OPRL1: variants seen among roughly 807,000 people sequenced by gnomAD.
OPRL1 encodes nociceptin receptor.
A neutral mutation model predicts 15.5 loss-of-function variants in OPRL1; 5 were observed. The observed-to-expected ratio is 0.32, with a 90% CI of 0.17 to 0.68. The LOEUF (loss-of-function observed/expected upper bound fraction) is 0.68. Among genes scored for constraint, OPRL1 ranks in the 30% least tolerant of loss-of-function variants. The pLI is 0.72. For synonymous variants in OPRL1, 223 were observed against 230.2 expected, an observed-to-expected ratio of 0.97 and a Z score of 0.28; for missense variants, 406 against 515.3, an observed-to-expected ratio of 0.79 and a Z score of 2.05.
chr20:64,081,334 G>A (rs1034981308), intron 1 of OPRL1, among the ~76,000 whole-genome samples: 5 of 152,232 alleles, frequency 3.3e-5, no homozygotes, highest in Non-Finnish European at 2.9e-5. Context: ...GCACAGGTGA[G>A]GTCAGGGAAG....
At chr20:64,092,184 T>G in intron 2 of OPRL1, 68 bp downstream of exon 2, 1 of 152,548 alleles carries the variant, frequency 6.6e-6, no homozygotes, top group Non-Finnish European at 1.4e-5. Flanking sequence ...GCAGGGCGGG[T>G]GGAGGGGGCA....
chr20:64,087,597 G>A (rs1236501243), intron 1 of OPRL1, among the ~76,000 whole-genome samples: 1 of 108,430 alleles, frequency 9.2e-6, no homozygotes, highest in Non-Finnish European at 1.9e-5. Context: ...GTCATCGTTC[G>A]TGTCTTGGGC....
chr20:64,080,921 G>A (rs901586355), intron 1 of OPRL1, among the ~76,000 whole-genome samples: 18 of 152,320 alleles, frequency 1.2e-4, no homozygotes, highest in African/African-American at 3.8e-4. Flanking sequence ...AAAGGCAGCT[G>A]GAGATTCTAC....
chr20:64,088,446 C>G (rs1009607994), intron 1 of OPRL1, among the ~76,000 whole-genome samples: 1 of 143,418 alleles, frequency 7.0e-6, no homozygotes, highest in Non-Finnish European at 1.5e-5. Context: ...TCAAGGGAGT[C>G]GGGGGACAGG....
chr20:64,088,930 AAGGGGTAGGATCTGTGC>A (rs2060092314), intron 1 of OPRL1, among the ~76,000 whole-genome samples: 1 of 99,954 alleles, frequency 1.0e-5, no homozygotes, highest in Admixed American at 9.1e-5. Context: ...GGATCTGTGC[AAGGGGTAGGATCTGTGC>A]AGAGTGGCCA....
At chr20:64,093,011 A>G in intron 3 of OPRL1, 58 bp downstream of exon 3, 14 of 1,479,496 alleles carry the variant, frequency 9.5e-6, no homozygotes, top group Non-Finnish European at 1.3e-5. Context: ...AGAGGGGGAA[A>G]CTGAGACGGG....
At chr20:64,092,636 C>T (rs906374635) in intron 2 of OPRL1, 52 bp from the exon 3 acceptor site, 14 of 1,439,994 alleles carry the variant, frequency 9.7e-6, no homozygotes, top group East Asian at 4.6e-5. Flanking sequence ...GTGAGGCCTC[C>T]GCTGGGCGTG....
In OPRL1 at chr20:64,097,790, T is replaced by A. The variant is rs201903712; in HGVS notation, c.234-12T>A. The A allele has an allele frequency of 1.9e-6, 3 of 1,606,934 alleles. No individual in the cohort carries two copies. The South Asian group carries it at 3.3e-5, about 18-fold the overall frequency. On this transcript the variant is annotated splice_polypyrimidine_tract_variant and intron_variant, in intron 3 of 4. Transcript: ENST00000336866. The surrounding 1 kb of genome is among the most constrained non-coding windows in gnomAD (Gnocchi z 4.2). ...GGCCAAGTGAAGCCTTTCTTCTCCC[T>A]CTACTCCGCAGGCACACCAAAATGA...
chr20:64,088,732 A>AGGATCCGTGC (rs1227621820), intron 1 of OPRL1, among the ~76,000 whole-genome samples: 1 of 12,580 alleles, frequency 7.9e-5, no homozygotes, highest in Non-Finnish European at 1.9e-4. Context: ...GGATCTGTGC[A>AGGATCCGTGC]AGGGGTAGGA....
intron 1 of OPRL1, among the ~76,000 whole-genome samples, chr20:64,082,449 C>T (rs979753507): frequency 2.0e-5 from 3 of 152,182 alleles, no homozygotes; most frequent in Non-Finnish European, 4.4e-5. Flanking sequence ...ACCCCCTGGC[C>T]GGGGCTGGGG....
chr20:64,091,396 C>T (rs530031155), intron 1 of OPRL1, among the ~76,000 whole-genome samples: 3 of 152,326 alleles, frequency 2.0e-5, no homozygotes, highest in Admixed American at 6.5e-5. Context: ...GGTTTCACCC[C>T]GTCTCTGCCA....
Position 64,097,041 on chromosome 20 carries a change from C to T in OPRL1, c.234-761C>T, listed in dbSNP as rs200329876. Among the ~76,000 whole-genome samples, 67 of 67,272 alleles carry T rather than the reference C, an allele frequency of 1.0e-3. No homozygotes were observed. Among genetic ancestry groups the T allele is most frequent in the Admixed American group, 1.2e-3 (8 of 6,440 alleles). The allele number at this position is 67,272 out of a possible 152,430, so 44.1% of individuals were successfully genotyped here. On this transcript the variant is annotated intron_variant, in intron 3 of 4. Transcript: ENST00000336866. The surrounding 1 kb of genome is among the most constrained non-coding windows in gnomAD (Gnocchi z 4.2). ...CCATCACCATCATCACAGTCATCAC[C>T]ATCATCACCATCATCATCATCACCA...
In OPRL1 at chr20:64,089,858, G is replaced by A. The variant is rs935643366; in HGVS notation, c.-184-2108G>A. ...GTCCCAGGCTGGGAGGCAGGCTCAG[G>A]AAGCTCGGGTAGGAGGGTCTAGGGT... On this transcript the variant is annotated intron_variant, in intron 1 of 4. Coordinates refer to ENST00000336866, the MANE Select transcript of OPRL1 (RefSeq NM_182647.4). The surrounding 1 kb of genome is among the most constrained non-coding windows in gnomAD (Gnocchi z 5.5). Among the ~76,000 whole-genome samples the A allele has an allele frequency of 2.6e-5, 4 of 152,198 alleles. No homozygotes were observed. Among genetic ancestry groups the A allele is most frequent in the African/African-American group, 9.6e-5 (4 of 41,452 alleles).
chr20:64,088,934 G>GCCAGGATCT (rs1569272181), intron 1 of OPRL1, among the ~76,000 whole-genome samples: 1 of 3,206 alleles, frequency 3.1e-4, no homozygotes, highest in African/African-American at 7.3e-4. Context: ...CTGTGCAAGG[G>GCCAGGATCT]GTAGGATCTG....
rs1338740705 is a variant in OPRL1, at chr20:64,083,374, C to G, written c.-185+3022C>G. ...GAGTGGCAGCAAAAAGACCAGCGAG[C>G]CTTCGGAGAATTATAACTTTATGTG... On this transcript the variant is annotated intron_variant, in intron 1 of 4. Transcript: ENST00000336866. This position sits in a 1 kb window ranked among gnomAD's most constrained non-coding sequence, Gnocchi z 4.9. The G allele has an allele frequency of 1.2e-6, 2 of 1,608,704 alleles. No individual in the cohort carries two copies. Among genetic ancestry groups the G allele is most frequent in the African/African-American group, 1.3e-5 (1 of 74,608 alleles).
At chr20:64,088,408 A>G (rs2060074210) in intron 1 of OPRL1, among the ~76,000 whole-genome samples, 1 of 140,044 alleles carries the variant, frequency 7.1e-6, no homozygotes, top group Non-Finnish European at 1.5e-5. Flanking sequence ...TGCAGTGGGT[A>G]GGATCTACAT....
chr20:64,089,813 G>A lies in OPRL1; in HGVS notation c.-184-2153G>A, dbSNP rs147180429. On this transcript the variant is annotated intron_variant, in intron 1 of 4. Coordinates refer to ENST00000336866, the MANE Select transcript of OPRL1 (RefSeq NM_182647.4). The surrounding 1 kb of genome is among the most constrained non-coding windows in gnomAD (Gnocchi z 5.5). The stretch of plus-strand genomic sequence containing the variant: ...GGTCTCTGCTCTGCCCACCCTCAGT[G>A]CCTACAGTGCCCAGGCTGGGTCCCA... 6.5e-4 allele frequency among the ~76,000 whole-genome samples: 99 copies of A among 152,304 alleles called. No individual in the cohort carries two copies. The highest frequency in any genetic ancestry group is 2.4e-3 in the African/African-American group (99 of 41,570).
At chr20:64,084,452 G>T in intron 1 of OPRL1, 1 of 1,100,766 alleles carries the variant, frequency 9.1e-7, no homozygotes, top group Non-Finnish European at 1.2e-6. Context: ...CAGTCCTGCA[G>T]TCAACTAGGA....
Position 64,082,001 on chromosome 20 carries a change from T to TG in OPRL1, c.-185+1651dup, listed in dbSNP as rs1317500193. 6.6e-5 allele frequency among the ~76,000 whole-genome samples: 10 copies of TG among 152,272 alleles called. No individual in the cohort carries two copies. The South Asian group carries it at 1.9e-3, about 28-fold the overall frequency. ...GACCCTTATTTTAAAGATAAAGAAA[T>TG]GGAGTCTCAGAGAAATGGTGAAATA... On this transcript the variant is annotated intron_variant, in intron 1 of 4. Coordinates refer to ENST00000336866, the MANE Select transcript of OPRL1 (RefSeq NM_182647.4).
Sources: gnomAD v4.1 joint callset for allele counts (sites outside exome capture counted in the v4.1 genomes callset) on GRCh38, gnomAD v4.1.1 for gene constraint, Gnocchi (gnomAD v3.1) non-coding constraint, MANE v1.5 for transcripts, NCBI Gene and HGNC (gene_info 2026-07-23, HGNC 2026-07-21) for gene names.